KAZN: variants seen among roughly 807,000 people sequenced by gnomAD.
KAZN encodes kazrin, periplakin interacting protein, also known as kazrin.
KAZN carries 40 observed loss-of-function variants against 87.4 expected under a neutral mutation model. That is an observed-to-expected ratio of 0.46 (90% CI 0.36 to 0.60). KAZN has a LOEUF of 0.60. KAZN is among the 20% of genes least tolerant of loss of function. The pLI is 0.00. For missense variants in KAZN, 898 were observed against 1,073.9 expected (o/e 0.84, Z 2.29); for synonymous variants, 466 against 458.3 (o/e 1.02, Z -0.22).
At chr1:13,954,777 T>C (rs959097229) in intron 1 of KAZN, among the ~76,000 whole-genome samples, 1 of 152,322 alleles carries the variant, frequency 6.6e-6, no homozygotes, top group East Asian at 1.9e-4. Flanking sequence ...CATTCTTCCA[T>C]ATGTTGAGAT....
At chr1:13,991,800 T>G (rs1201799713) in intron 1 of KAZN, among the ~76,000 whole-genome samples, 1 of 152,144 alleles carries the variant, frequency 6.6e-6, no homozygotes, top group Non-Finnish European at 1.5e-5. Flanking sequence ...GTTGACATGA[T>G]GCTTCCCAAC....
chr1:15,085,814 A>G (rs577068201), intron 8 of KAZN, among the ~76,000 whole-genome samples: 1 of 152,362 alleles, frequency 6.6e-6, no homozygotes, highest in African/African-American at 2.4e-5. Context: ...GAGAGAACCG[A>G]GAGAATGGAA....
At chr1:13,979,154 C>T (rs1467793846) in intron 1 of KAZN, among the ~76,000 whole-genome samples, 1 of 151,192 alleles carries the variant, frequency 6.6e-6, no homozygotes, top group Non-Finnish European at 1.5e-5. Flanking sequence ...TTTTTATGCT[C>T]ATTGAAAGCA....
At chr1:14,461,688 G>A (rs559158231) in intron 2 of KAZN, among the ~76,000 whole-genome samples, 27 of 152,246 alleles carry the variant, frequency 1.8e-4, no homozygotes, top group African/African-American at 4.8e-4. Flanking sequence ...CAGCACTGCC[G>A]AGAGGGGTGG....
rs1325085198 is a variant in KAZN at position 15,077,902 on chromosome 1, T to C, written c.1222+12149T>C. On this transcript the variant is annotated intron_variant, in intron 8 of 14. Transcript: ENST00000376030. The surrounding 1 kb of genome is among the most constrained non-coding windows in gnomAD (Gnocchi z 4.8). ...TTGCTGACATTTACTAAGTGCCTAC[T>C]GTGCCAGGCATGGGGTAGGCATTTG... is the stretch of plus-strand genomic sequence containing the variant. 5.9e-5 allele frequency among the ~76,000 whole-genome samples: 9 copies of C among 152,218 alleles called. No homozygotes were observed. Among genetic ancestry groups the C allele is most frequent in the African/African-American group, 2.2e-4 (9 of 41,446 alleles).
chr1:14,623,983 C>T (rs1318487058), intron 1 of KAZN, among the ~76,000 whole-genome samples: 3 of 152,126 alleles, frequency 2.0e-5, no homozygotes, highest in Admixed American at 6.6e-5. Context: ...AATCATTCCA[C>T]GTGCCCTTGA....
At chr1:14,646,042 T>C (rs1400209020) in intron 1 of KAZN, among the ~76,000 whole-genome samples, 17 of 151,818 alleles carry the variant, frequency 1.1e-4, no homozygotes, top group Admixed American at 1.1e-3. Flanking sequence ...GCATTCTTAA[T>C]AAGACAAAAC....
intron 1 of KAZN, among the ~76,000 whole-genome samples, chr1:14,960,202 A>G (rs926296500): frequency 8.5e-4 from 130 of 152,320 alleles, no homozygotes; most frequent in African/African-American, 2.5e-3. Context: ...CCTTGGTTCA[A>G]TTCCCAGCTC....
chr1:14,002,484 A>G (rs191733954), intron 1 of KAZN, among the ~76,000 whole-genome samples: 1 of 152,352 alleles, frequency 6.6e-6, no homozygotes, highest in Non-Finnish European at 1.5e-5. Context: ...CCACCACGTA[A>G]GAAGTGCCTT....
chr1:14,226,604 A>G (rs1315812116), intron 2 of KAZN, among the ~76,000 whole-genome samples: 1 of 152,214 alleles, frequency 6.6e-6, no homozygotes, highest in Non-Finnish European at 1.5e-5. Context: ...ATGCACGTGA[A>G]TGTTCATCGC....
chr1:14,870,252 AG>A (rs34792115), intron 1 of KAZN, among the ~76,000 whole-genome samples: 1 of 152,348 alleles, frequency 6.6e-6, no homozygotes, highest in African/African-American at 2.4e-5. Context: ...GACAGGGTGA[AG>A]GGTGAGTCCC....
At position 15,094,473 on chromosome 1, in the gene KAZN, C is replaced by A; in HGVS notation, c.1428+88C>A. On this transcript the variant is annotated intron_variant, in intron 9 of 14. Transcript: ENST00000376030. This position sits in a 1 kb window ranked among gnomAD's most constrained non-coding sequence, Gnocchi z 4.5. Reference sequence around the variant, plus strand: ...GAAGCTGGCCTGCCCCCCACTCCTACCCTGGAGTCAGGAGAAGGTGCAATC... The same window carrying A: ...GAAGCTGGCCTGCCCCCCACTCCTAACCTGGAGTCAGGAGAAGGTGCAATC... The A allele has an allele frequency of 8.1e-7, 1 of 1,240,804 alleles. No homozygotes were observed. The highest frequency in any genetic ancestry group is 1.1e-6 in the Non-Finnish European group (1 of 883,302). 76.9% of individuals were successfully genotyped at this position (1,240,804 alleles called of 1,614,324 possible).
At chr1:14,269,140 T>G (rs1651721774) in intron 2 of KAZN, among the ~76,000 whole-genome samples, 1 of 152,198 alleles carries the variant, frequency 6.6e-6, no homozygotes, top group Non-Finnish European at 1.5e-5. Context: ...GGGATGATAT[T>G]GCCCCCAAGG....
intron 2 of KAZN, among the ~76,000 whole-genome samples, chr1:14,982,302 C>T (rs10927613): frequency 0.31 from 47,380 of 151,938 alleles, 7,581 homozygotes; most frequent in Middle Eastern, 0.36. Context: ...TTCTCTGAGC[C>T]TTTAAAACGT....
chr1:15,070,190 C>A (rs1639444742), intron 8 of KAZN, among the ~76,000 whole-genome samples: 1 of 152,238 alleles, frequency 6.6e-6, no homozygotes, highest in African/African-American at 2.4e-5. Flanking sequence ...AGGGGGGCAT[C>A]TTCAGTGCAT....
chr1:14,798,681 G>A (rs1422556172), intron 1 of KAZN, among the ~76,000 whole-genome samples: 2 of 152,006 alleles, frequency 1.3e-5, no homozygotes, highest in East Asian at 3.9e-4. Flanking sequence ...TGATCCTCCC[G>A]CCTCAGCCTC....
intron 1 of KAZN, among the ~76,000 whole-genome samples, chr1:13,941,314 C>T (rs967843883): frequency 3.3e-5 from 5 of 152,242 alleles, no homozygotes; most frequent in African/African-American, 1.2e-4. Context: ...CTCTTTCAAA[C>T]AGTTCCCTTC....
chr1:14,066,658 C>G (rs1300416623), intron 1 of KAZN, among the ~76,000 whole-genome samples: 3 of 152,164 alleles, frequency 2.0e-5, no homozygotes, highest in African/African-American at 7.2e-5. Context: ...CTGTTGGTTT[C>G]CAGAGCTGGA....
chr1:14,121,973 C>A (rs1054623701), intron 1 of KAZN, among the ~76,000 whole-genome samples: 29 of 152,154 alleles, frequency 1.9e-4, no homozygotes, highest in Admixed American at 1.5e-3. Flanking sequence ...GAGGTTGGAA[C>A]AGAGTGTGTA....
Sources: gnomAD v4.1 joint callset for allele counts (sites outside exome capture counted in the v4.1 genomes callset) on GRCh38, gnomAD v4.1.1 for gene constraint, Gnocchi (gnomAD v3.1) non-coding constraint, MANE v1.5 for transcripts, NCBI Gene and HGNC (gene_info 2026-07-23, HGNC 2026-07-21) for gene names.